CORIN: variants seen among roughly 807,000 people sequenced by gnomAD.
CORIN encodes the protein corin, serine peptidase, also known as atrial natriuretic peptide-converting enzyme.
Under a neutral mutation model 125.3 loss-of-function variants are expected in CORIN, and 117 were observed. That is an observed-to-expected ratio of 0.93 (90% CI 0.80 to 1.09). The LOEUF (loss-of-function observed/expected upper bound fraction) is 1.09, where lower values mean the gene tolerates loss of function less well. CORIN is among the 50% of genes least tolerant of loss of function. The pLI is 0.00. For synonymous variants in CORIN, 450 were observed against 466.4 expected (o/e 0.96, Z 0.45); for missense variants, 1,253 against 1,306.7 (o/e 0.96, Z 0.63).
chr4:47,765,383 T>C (rs936745197), intron 3 of CORIN, among the ~76,000 whole-genome samples: 3 of 152,298 alleles, frequency 2.0e-5, no homozygotes, highest in South Asian at 2.1e-4. Flanking sequence ...TTTCCTTTAC[T>C]GCTGCATAAC....
At chr4:47,729,645 G>A (rs758716110) in intron 5 of CORIN, among the ~76,000 whole-genome samples, 15 of 152,054 alleles carry the variant, frequency 9.9e-5, no homozygotes, top group Non-Finnish European at 2.1e-4. Context: ...AGAAGAGGGC[G>A]GTTCCCCAAC....
chr4:47,639,791 C>A (rs1156316950), intron 16 of CORIN, among the ~76,000 whole-genome samples: 1 of 152,184 alleles, frequency 6.6e-6, no homozygotes, highest in Admixed American at 6.5e-5. Context: ...AGACAGTGGT[C>A]ACATGGCAGC....
chr4:47,620,432 A>G (rs1213459000), intron 19 of CORIN, among the ~76,000 whole-genome samples: 3 of 152,256 alleles, frequency 2.0e-5, no homozygotes, highest in Non-Finnish European at 4.4e-5. Flanking sequence ...TGTCCATGAT[A>G]TATTGCTCCA....
At chr4:47,754,180 A>T (rs994945934) in intron 4 of CORIN, among the ~76,000 whole-genome samples, 4 of 152,194 alleles carry the variant, frequency 2.6e-5, no homozygotes, top group African/African-American at 9.7e-5. Context: ...GAATTATATG[A>T]CAGTATCTTA....
At chr4:47,677,707 T>C (rs1434053472) in intron 9 of CORIN, among the ~76,000 whole-genome samples, 3 of 152,350 alleles carry the variant, frequency 2.0e-5, no homozygotes, top group African/African-American at 7.2e-5. Flanking sequence ...AATCTGACCA[T>C]GCTGTTCAGG....
In CORIN at chr4:47,806,967, C is replaced by T; in HGVS notation, c.144G>A (p.Leu48=). Residue 48 remains leucine, a synonymous_variant, in exon 2 of 22, where the codon TTG becomes TTA. Coordinates refer to ENST00000273857, the MANE Select transcript of CORIN (RefSeq NM_006587.4). ...CACAGATACATGGAATCAGGACCAG[C>T]AATAGGAACCGGAGGAGGTTAGCAG... ...LATANLLRFL[L]LVLIPCICAL... The T allele has an allele frequency of 6.2e-7, 1 of 1,613,884 alleles. No individual in the cohort carries two copies. Among genetic ancestry groups the T allele is most frequent in the Non-Finnish European group, 8.5e-7 (1 of 1,179,828 alleles).
chr4:47,657,464 G>A (rs985438072), intron 12 of CORIN, among the ~76,000 whole-genome samples: 3 of 151,396 alleles, frequency 2.0e-5, no homozygotes, highest in African/African-American at 7.3e-5. Context: ...GAACCCATGA[G>A]GTGGAGCTTG....
intron 10 of CORIN, among the ~76,000 whole-genome samples, chr4:47,670,447 A>G (rs1577806777): frequency 6.6e-6 from 1 of 152,150 alleles, no homozygotes; most frequent in African/African-American, 2.4e-5. Context: ...ACATGACTAC[A>G]CCGTTTACTC....
intron 2 of CORIN, among the ~76,000 whole-genome samples, chr4:47,789,986 C>T (rs1463130409): frequency 6.6e-6 from 1 of 152,180 alleles, no homozygotes; most frequent in African/African-American, 2.4e-5. Flanking sequence ...CGCGCCACTG[C>T]ACTCCAGCCT....
intron 16 of CORIN, 128 bp downstream of exon 16, chr4:47,641,792 T>C (rs1723239424): frequency 8.9e-7 from 1 of 1,119,752 alleles, no homozygotes; most frequent in Non-Finnish European, 1.3e-6. Context: ...ACCTGATTCA[T>C]TTCCCGGGTT....
chr4:47,668,926 A>G (rs2109682328), intron 10 of CORIN, among the ~76,000 whole-genome samples: 1 of 152,354 alleles, frequency 6.6e-6, no homozygotes. Flanking sequence ...ATAAACTCTC[A>G]AAATACCTGT....
At chr4:47,664,225 T>C (rs1309155288) in intron 11 of CORIN, among the ~76,000 whole-genome samples, 1 of 152,172 alleles carries the variant, frequency 6.6e-6, no homozygotes, top group Non-Finnish European at 1.5e-5. Context: ...GCCTAACACA[T>C]GGCGCAGCAA....
At chr4:47,758,782 G>T (rs1205555295) in intron 4 of CORIN, among the ~76,000 whole-genome samples, 3 of 152,172 alleles carry the variant, frequency 2.0e-5, no homozygotes, top group Non-Finnish European at 2.9e-5. Context: ...TCCCCATTTT[G>T]CTCCGCACTT....
At chr4:47,834,234 A>T (rs7663935) in intron 1 of CORIN, among the ~76,000 whole-genome samples, 109,006 of 152,038 alleles carry the variant, frequency 0.72, 39,537 homozygotes, top group South Asian at 0.76. Flanking sequence ...ATATATAAAC[A>T]GTATGTATAT....
At chr4:47,716,483 C>T (rs1727096608) in intron 5 of CORIN, among the ~76,000 whole-genome samples, 2 of 152,106 alleles carry the variant, frequency 1.3e-5, no homozygotes, top group Admixed American at 6.6e-5. Flanking sequence ...ACACCCTTGC[C>T]CTCTGTCAGG....
chr4:47,597,479 G>T (rs1721300655), intron 21 of CORIN, among the ~76,000 whole-genome samples: 1 of 152,052 alleles, frequency 6.6e-6, no homozygotes, highest in South Asian at 2.1e-4. Context: ...CATAGAACTT[G>T]CAAGGAGCTG....
At chr4:47,772,387 C>T (rs1339299324) in intron 3 of CORIN, among the ~76,000 whole-genome samples, 2 of 152,216 alleles carry the variant, frequency 1.3e-5, no homozygotes, top group East Asian at 1.9e-4. Context: ...CAATTATTCA[C>T]ATTCCATAGA....
At chr4:47,736,855 G>T (rs1401433531) in intron 5 of CORIN, among the ~76,000 whole-genome samples, 1 of 152,176 alleles carries the variant, frequency 6.6e-6, no homozygotes, top group Non-Finnish European at 1.5e-5. Context: ...AAGGCGAAGA[G>T]ACAAAAATTA....
At chr4:47,656,344 C>A (rs1723979587) in intron 12 of CORIN, among the ~76,000 whole-genome samples, 1 of 151,936 alleles carries the variant, frequency 6.6e-6, no homozygotes, top group African/African-American at 2.4e-5. Flanking sequence ...TTAGTAGAGA[C>A]AGGTTTTCAC....
Sources: allele counts gnomAD v4.1 joint callset (sites outside exome capture counted in the v4.1 genomes callset), GRCh38; gene constraint gnomAD v4.1.1; transcripts MANE v1.5; gene names NCBI Gene and HGNC (gene_info 2026-07-23, HGNC 2026-07-21).